Variants in ADGRL1 observed in about 807,000 individuals in gnomAD.
The protein encoded by ADGRL1 is CIRL-1.
Under a neutral mutation model 148.9 loss-of-function variants are expected in ADGRL1, and 31 were observed. The ratio of observed to expected loss-of-function variants is 0.21; its 90% CI spans 0.16 to 0.28. ADGRL1 has a LOEUF of 0.28. Ranked by LOEUF, ADGRL1 falls within the 10% of genes least tolerant of loss-of-function variation. The probability of loss-of-function intolerance (pLI) is 1.00; values close to 1 mark genes in which losing one functional copy is unlikely to be tolerated. For synonymous variants in ADGRL1, 937 were observed against 900.3 expected (o/e 1.04, Z -0.73); for missense variants, 1,521 against 2,058.8 (o/e 0.74, Z 5.05).
chr19:14,160,378 C>T lies in ADGRL1; in HGVS notation c.1615-81G>A. The T allele has an allele frequency of 3.8e-6, 5 of 1,308,044 alleles. No homozygotes were observed. Among genetic ancestry groups the T allele is most frequent in the Admixed American group, 4.3e-5 (2 of 47,030 alleles). 81.0% of individuals were successfully genotyped at this position (1,308,044 alleles called of 1,614,324 possible). ...CCCTCCCCGGCTTCCCTGGCCTGTG[C>T]AGCCTCTCCTATCTCTCTCTCCACT... On this transcript the variant is annotated intron_variant, in intron 7 of 22. Coordinates refer to ENST00000361434, the MANE Select transcript of ADGRL1 (RefSeq NM_014921.5). The surrounding 1 kb of genome is among the most constrained non-coding windows in gnomAD (Gnocchi z 5.9).
chr19:14,197,555 ATCACT>A (rs1972338999), intron 1 of ADGRL1, among the ~76,000 whole-genome samples: 1 of 151,910 alleles, frequency 6.6e-6, no homozygotes, highest in Non-Finnish European at 1.5e-5. Context: ...CCACCTTCCC[ATCACT>A]TCTACTCAGC....
chr19:14,160,334 A>G lies in ADGRL1; in HGVS notation c.1615-37T>C, dbSNP rs750761145. 13 of 1,552,134 alleles carry G rather than the reference A, an allele frequency of 8.4e-6. No individual in the cohort carries two copies. The highest frequency in any genetic ancestry group is 1.1e-5 in the Non-Finnish European group (13 of 1,138,900). Reference sequence around the variant, plus strand: ...GGGGGCGGGAAGGGGGAATCCCAGGACTGTCAGGGACCATCCTGCCCTCCC... The same window carrying G: ...GGGGGCGGGAAGGGGGAATCCCAGGGCTGTCAGGGACCATCCTGCCCTCCC... On this transcript the variant is annotated intron_variant, in intron 7 of 22. Transcript: ENST00000361434. This position sits in a 1 kb window ranked among gnomAD's most constrained non-coding sequence, Gnocchi z 5.9.
intron 1 of ADGRL1, among the ~76,000 whole-genome samples, chr19:14,204,330 C>T (rs557776673): frequency 6.6e-6 from 1 of 152,162 alleles, no homozygotes; most frequent in Non-Finnish European, 1.5e-5. Flanking sequence ...CAGGGACCCA[C>T]GCAGAGTCCC....
intron 1 of ADGRL1, among the ~76,000 whole-genome samples, chr19:14,196,276 C>T (rs949412179): frequency 1.3e-5 from 2 of 152,226 alleles, no homozygotes; most frequent in African/African-American, 2.4e-5. Flanking sequence ...CAGAACCCTC[C>T]GTGGCTCCCA....
rs965714599 is a variant in ADGRL1 at position 14,155,956 on chromosome 19, G to C, written c.3125+154C>G. 2.0e-5 allele frequency among the ~76,000 whole-genome samples: 3 copies of C among 151,798 alleles called. No homozygotes were observed. Among genetic ancestry groups the C allele is most frequent in the Non-Finnish European group, 4.4e-5 (3 of 67,962 alleles). ...CTAAGACCCATTAAGTAGGTACATA[G>C]TGAACACAATAGAACACCCCTGTTG... is the stretch of plus-strand genomic sequence containing the variant. On this transcript the variant is annotated intron_variant, in intron 17 of 22. Transcript: ENST00000361434. This position sits in a 1 kb window ranked among gnomAD's most constrained non-coding sequence, Gnocchi z 5.0.
intron 3 of ADGRL1, among the ~76,000 whole-genome samples, chr19:14,173,936 T>G (rs1032630795): frequency 1.0e-5 from 1 of 96,826 alleles, no homozygotes; most frequent in Non-Finnish European, 1.9e-5. Context: ...AGAGCAAGAC[T>G]CCGTCTCAAA....
chr19:14,169,548 C>T (rs183152150), intron 4 of ADGRL1: 2 of 152,320 alleles, frequency 1.3e-5, no homozygotes, highest in African/African-American at 4.8e-5. Flanking sequence ...AAGGAAAGGA[C>T]GAAGAGTAAA....
At position 14,149,922 on chromosome 19, in the gene ADGRL1, C is replaced by CTTTTTTTTTTTTTTTTT. The variant is rs71170598; in HGVS notation, c.*950_*951insAAAAAAAAAAAAAAAAA. ...CAAGTGATGAGATTTTTTTTCTTTT[C>CTTTTTTTTTTTTTTTTT]TTTTTTTTTTTTTTTGTCTTTTTTT... On this transcript the variant is annotated 3_prime_UTR_variant, in exon 23 of 23. Transcript: ENST00000361434. The CTTTTTTTTTTTTTTTTT allele has an allele frequency of 1.6e-5, 2 of 122,716 alleles. No individual in the cohort carries two copies. The highest frequency in any genetic ancestry group is 8.1e-5 in the Admixed American group (1 of 12,378). 7.6% of individuals were successfully genotyped at this position (122,716 alleles called of 1,614,324 possible). A position where few individuals can be genotyped will look rare whatever the true frequency, so the allele number is the denominator to read the frequency against.
chr19:14,180,674 C>T (rs1192756580), intron 2 of ADGRL1, among the ~76,000 whole-genome samples: 1 of 152,058 alleles, frequency 6.6e-6, no homozygotes, highest in Admixed American at 6.6e-5. Flanking sequence ...CTCAGCCTCC[C>T]GAGTAGCTGG....
chr19:14,189,284 A>G (rs1364049566), intron 1 of ADGRL1, among the ~76,000 whole-genome samples: 1 of 145,412 alleles, frequency 6.9e-6, no homozygotes, highest in African/African-American at 2.6e-5. Context: ...GCCGTGGCCC[A>G]ATCTCGGCTC....
At chr19:14,164,452 G>C (rs1969751737) in intron 4 of ADGRL1, among the ~76,000 whole-genome samples, 1 of 152,120 alleles carries the variant, frequency 6.6e-6, no homozygotes, top group Non-Finnish European at 1.5e-5. Context: ...GGAGGAGAGA[G>C]GGGTGAGCAG....
intron 1 of ADGRL1, chr19:14,191,471 T>C (rs1371144623): frequency 8.8e-6 from 4 of 456,384 alleles, no homozygotes; most frequent in Non-Finnish European, 1.8e-5. Context: ...CTTGTCCCCA[T>C]TGTCACCTTC....
At position 14,155,134 on chromosome 19, in the gene ADGRL1, C is replaced by G. The variant is rs1968591295; in HGVS notation, c.3294+225G>C. On this transcript the variant is annotated intron_variant, in intron 18 of 22. Coordinates refer to ENST00000361434, the MANE Select transcript of ADGRL1 (RefSeq NM_014921.5). This position sits in a 1 kb window ranked among gnomAD's most constrained non-coding sequence, Gnocchi z 5.0. ...GTTCTGCTCTCACTCCTCTAAGTTG[C>G]TGTATCTTGTTTTCCAGAACCCTCT... 1 of 404,500 alleles carries G rather than the reference C, an allele frequency of 2.5e-6. No homozygotes were observed. Among genetic ancestry groups the G allele is most frequent in the Non-Finnish European group, 4.6e-6 (1 of 219,554 alleles). The allele number at this position is 404,500 out of a possible 1,614,324, so 25.1% of individuals were successfully genotyped here. A position where few individuals can be genotyped will look rare whatever the true frequency, so the allele number is the denominator to read the frequency against.
At chr19:14,179,591 C>G (rs1348550674) in intron 2 of ADGRL1, among the ~76,000 whole-genome samples, 1 of 151,930 alleles carries the variant, frequency 6.6e-6, no homozygotes, top group Non-Finnish European at 1.5e-5. Flanking sequence ...AACTGTGAGA[C>G]AATCAATGTC....
At position 14,174,787 on chromosome 19, in the gene ADGRL1, T is replaced by C. The variant is rs542390270; in HGVS notation, c.284+2744A>G. On this transcript the variant is annotated intron_variant, in intron 3 of 22. Coordinates refer to ENST00000361434, the MANE Select transcript of ADGRL1 (RefSeq NM_014921.5). ...CTGACCTCAAGTGATCCACCCGCCA[T>C]GGCCTCCCAAAGTGCTGGGATTACA... Among the ~76,000 whole-genome samples, 8 of 150,522 alleles carry C rather than the reference T, an allele frequency of 5.3e-5. No homozygotes were observed. The East Asian group carries it at 1.6e-3, about 29-fold the overall frequency.
In ADGRL1 at chr19:14,152,898, G is replaced by A; in HGVS notation, c.3309C>T (p.Tyr1103=). The change falls in exon 19 of 23, where the codon TAC becomes TAT. Residue 1103 remains tyrosine (Y), a synonymous_variant. Transcript: ENST00000361434. The surrounding 1 kb of genome is among the most constrained non-coding windows in gnomAD (Gnocchi z 6.1). ...AGTAGGAGTGACGCAGGCACTTGCT[G>A]TACTCCTTGTGCACCTGGGAGGTGG... ...CALQKKVHKE[Y]SKCLRHSYCC... 2 of 1,614,032 alleles carry A rather than the reference G, an allele frequency of 1.2e-6. No individual in the cohort carries two copies. Among genetic ancestry groups the A allele is most frequent in the Non-Finnish European group, 1.7e-6 (2 of 1,179,976 alleles).
chr19:14,174,858 T>TTTTTTC (rs1568605394), intron 3 of ADGRL1, among the ~76,000 whole-genome samples: 1 of 136,772 alleles, frequency 7.3e-6, no homozygotes. Context: ...TTTTTTTTTT[T>TTTTTTC]AGAGACAGGG....
chr19:14,151,815 G>C (rs1361572294), intron 22 of ADGRL1, among the ~76,000 whole-genome samples, 200 bp from the exon 23 acceptor site: 1 of 152,180 alleles, frequency 6.6e-6, no homozygotes, highest in Non-Finnish European at 1.5e-5. Context: ...GCAGCGTATT[G>C]ATGAAAGGTG....
In ADGRL1 at chr19:14,151,318, C is replaced by T; in HGVS notation, c.3965G>A (p.Gly1322Asp). 2 of 1,596,218 alleles carry T rather than the reference C, an allele frequency of 1.3e-6. No individual in the cohort carries two copies. The highest frequency in any genetic ancestry group is 1.7e-6 in the Non-Finnish European group (2 of 1,172,698). Residue 1322 changes from glycine to aspartate, a missense_variant, in exon 23 of 23, where the codon GGT (glycine) becomes GAT (aspartate). Gly to Asp is a moderately conservative substitution (Grantham distance 94). Around this residue, in one of 8 missense-constraint regions of ADGRL1, gnomAD observed 390 missense variants for 375.0 expected, o/e 1.04. Coordinates refer to ENST00000361434, the MANE Select transcript of ADGRL1 (RefSeq NM_014921.5). ...GGEEEAGGPG[G>D]ADRAEIELLY... The stretch of plus-strand genomic sequence containing the variant: ...AAGTTCAATCTCGGCCCGGTCAGCA[C>T]CCCCGGGCCCGCCCGCCTCTTCCTC...
Sources: allele counts gnomAD v4.1 joint callset (sites outside exome capture counted in the v4.1 genomes callset), GRCh38; gene constraint gnomAD v4.1.1; regional missense constraint gnomAD v4.1.1; non-coding constraint Gnocchi (gnomAD v3.1); transcripts MANE v1.5; gene names NCBI Gene and HGNC (gene_info 2026-07-23, HGNC 2026-07-21).